Variants in CEP112 observed in about 807,000 individuals in gnomAD.
CEP112 encodes centrosomal protein 112.
A neutral mutation model predicts 153.0 loss-of-function variants in CEP112; 127 were observed. The ratio of observed to expected loss-of-function variants is 0.83; its 90% CI spans 0.72 to 0.96. The LOEUF (loss-of-function observed/expected upper bound fraction) is 0.96, where lower values mean the gene tolerates loss of function less well. CEP112 is among the 40% of genes least tolerant of loss of function. The probability of loss-of-function intolerance (pLI) is 0.00; values close to 1 mark genes in which losing one functional copy is unlikely to be tolerated. For missense variants in CEP112, 1,089 were observed against 1,101.2 expected (o/e 0.99, Z 0.16); for synonymous variants, 358 against 374.4 (o/e 0.96, Z 0.51).
intron 21 of CEP112, among the ~76,000 whole-genome samples, chr17:65,822,210 T>C (rs1488911467): frequency 6.6e-6 from 1 of 151,982 alleles, no homozygotes; most frequent in East Asian, 1.9e-4. Flanking sequence ...TTTAAAAACA[T>C]AGATCACTTT....
intron 6 of CEP112, among the ~76,000 whole-genome samples, chr17:66,115,194 G>A (rs1000854560): frequency 6.6e-6 from 1 of 151,952 alleles, no homozygotes; most frequent in African/African-American, 2.4e-5. Context: ...GACAGAGACT[G>A]TCTCAAACAA....
intron 21 of CEP112, among the ~76,000 whole-genome samples, chr17:65,752,014 TCATCCATCCATCCATCCATC>T (rs150841318): frequency 0.011 from 896 of 81,054 alleles, 13 homozygotes; most frequent in African/African-American, 0.043. Flanking sequence ...ACTGTTCCTT[TCATCCATCCATCCATCCATC>T]CATCCATCCA....
intron 6 of CEP112, among the ~76,000 whole-genome samples, chr17:66,115,357 T>C (rs2069241788): frequency 6.6e-6 from 1 of 152,318 alleles, no homozygotes; most frequent in East Asian, 1.9e-4. Context: ...GCATAACAGA[T>C]CATCCCAAAA....
At chr17:66,171,441 ATAT>A (rs542745944) in intron 4 of CEP112, among the ~76,000 whole-genome samples, 280 of 152,360 alleles carry the variant, frequency 1.8e-3, no homozygotes, top group African/African-American at 6.3e-3. Context: ...CATGTGTCAA[ATAT>A]TATAAGCCTC....
At chr17:65,655,192 T>A (rs1185054750) in intron 24 of CEP112, 3 of 769,462 alleles carry the variant, frequency 3.9e-6, no homozygotes, top group Non-Finnish European at 7.2e-6. Context: ...GACAAGTGGC[T>A]GTCTCACTGG....
At chr17:65,971,390 T>C (rs2062789924) in intron 17 of CEP112, among the ~76,000 whole-genome samples, 1 of 70,970 alleles carries the variant, frequency 1.4e-5, no homozygotes, top group Admixed American at 2.1e-4. Flanking sequence ...ATTGCATGTA[T>C]ATAGCATGTA....
chr17:65,672,381 T>TA (rs1000242177), intron 24 of CEP112, among the ~76,000 whole-genome samples: 9 of 151,282 alleles, frequency 5.9e-5, no homozygotes, highest in African/African-American at 9.7e-5. Context: ...TCAGTGGGAT[T>TA]AAAAAAAAAT....
intron 20 of CEP112, among the ~76,000 whole-genome samples, chr17:65,877,068 CT>C (rs2058853836): frequency 1.3e-5 from 2 of 152,164 alleles, no homozygotes; most frequent in African/African-American, 4.8e-5. Context: ...AGATGAGAAG[CT>C]CTGCACGTGT....
intron 21 of CEP112, 150 bp from the exon 22 acceptor site, chr17:65,750,874 C>T (rs1476155347): frequency 5.2e-6 from 3 of 577,862 alleles, no homozygotes; most frequent in South Asian, 2.5e-5. Flanking sequence ...TTTGATGTTA[C>T]GCCAACTATT....
chr17:65,952,313 A>G (rs117074961), intron 18 of CEP112, among the ~76,000 whole-genome samples: 239 of 152,234 alleles, frequency 1.6e-3, no homozygotes, highest in Non-Finnish European at 2.5e-3. Context: ...AAGATGAGAC[A>G]AGACTTTCTC....
chr17:65,934,923 G>A (rs140353945), intron 18 of CEP112, among the ~76,000 whole-genome samples: 73 of 152,306 alleles, frequency 4.8e-4, no homozygotes, highest in African/African-American at 1.7e-3. Context: ...CTCCTTCACA[G>A]GGCAACAGGA....
Position 66,028,344 on chromosome 17 carries a change from TC to T in CEP112, c.1564del (p.Glu522AsnfsTer10). The T allele has an allele frequency of 6.2e-7, 1 of 1,600,860 alleles. No homozygotes were observed. The highest frequency in any genetic ancestry group is 8.5e-7 in the Non-Finnish European group (1 of 1,172,354). On this transcript the variant is annotated frameshift_variant, in exon 15 of 27. Transcript: ENST00000535342. LOFTEE classifies it high-confidence loss of function. ...NVCQLKQQLQESELQRKQQLR... is the reference protein window; with the variant it reads ...NVCQLKQQLQXSELQRKQQLR... Reference sequence around the variant, plus strand: ...TTGTTGCTTTCTTTGAAGTTCTGATTCCTGTAACTGCTGTTTTAATTGACAG... The same window carrying T: ...TTGTTGCTTTCTTTGAAGTTCTGATTCTGTAACTGCTGTTTTAATTGACAG...
At chr17:65,923,296 T>G (rs2060799896) in intron 19 of CEP112, among the ~76,000 whole-genome samples, 1 of 152,230 alleles carries the variant, frequency 6.6e-6, no homozygotes, top group Admixed American at 6.5e-5. Context: ...GGCTTTTCAT[T>G]TGTTGGTCAT....
At chr17:65,828,690 TTTTGA>T (rs143833359) in intron 21 of CEP112, among the ~76,000 whole-genome samples, 58,301 of 151,786 alleles carry the variant, frequency 0.38, 11,981 homozygotes, top group East Asian at 0.78. Flanking sequence ...AATTTTTCTT[TTTTGA>T]TTTATCAGTA....
At chr17:65,894,205 A>G (rs1287806619) in intron 20 of CEP112, among the ~76,000 whole-genome samples, 1 of 152,166 alleles carries the variant, frequency 6.6e-6, no homozygotes, top group Non-Finnish European at 1.5e-5. Flanking sequence ...ATATTTCCTT[A>G]TGTCAATGGA....
intron 21 of CEP112, among the ~76,000 whole-genome samples, chr17:65,775,725 A>G (rs922391323): frequency 1.3e-5 from 2 of 151,770 alleles, no homozygotes; most frequent in Non-Finnish European, 2.9e-5. Context: ...CTTGTTTCTA[A>G]CCCCTGACCT....
intron 21 of CEP112, among the ~76,000 whole-genome samples, chr17:65,769,045 G>A (rs1480639632): frequency 6.6e-6 from 1 of 151,962 alleles, no homozygotes; most frequent in African/African-American, 2.4e-5. Context: ...CCCAAAGATT[G>A]CACACAAAAA....
At chr17:65,986,672 G>A (rs12601290) in intron 17 of CEP112, among the ~76,000 whole-genome samples, 151,544 of 152,140 alleles carry the variant, frequency 1, 75,476 homozygotes, top group Middle Eastern at 1. Context: ...AGAACTATAC[G>A]ATTCATTATT....
intron 16 of CEP112, among the ~76,000 whole-genome samples, chr17:66,016,454 C>T (rs149649028): frequency 1.3e-5 from 2 of 152,200 alleles, no homozygotes; most frequent in Non-Finnish European, 2.9e-5. Flanking sequence ...AAACCAATTC[C>T]CAGGAGGGTT....
Sources: allele counts gnomAD v4.1 joint callset (sites outside exome capture counted in the v4.1 genomes callset), GRCh38; gene constraint gnomAD v4.1.1; transcripts MANE v1.5; gene names NCBI Gene and HGNC (gene_info 2026-07-23, HGNC 2026-07-21).